Variants in CLDN7 observed in about 807,000 individuals in gnomAD.
CLDN7 encodes claudin 7, also known as claudin-7.
Under a neutral mutation model 20.3 loss-of-function variants are expected in CLDN7, and 15 were observed. That is an observed-to-expected ratio of 0.74 (90% CI 0.49 to 1.14). The LOEUF (loss-of-function observed/expected upper bound fraction) is 1.14, where lower values mean the gene tolerates loss of function less well. Ranked by LOEUF, CLDN7 falls within the 50% of genes most tolerant of loss-of-function variation. The probability of loss-of-function intolerance (pLI) is 0.00; values close to 1 mark genes in which losing one functional copy is unlikely to be tolerated. For synonymous variants in CLDN7, 117 were observed against 106.1 expected (o/e 1.10, Z -0.63); for missense variants, 261 against 274.2 (o/e 0.95, Z 0.34).
Position 7,262,457 on chromosome 17 carries a change from A to C in CLDN7, c.-414T>G, listed in dbSNP as rs1359104349. 3 of 1,003,926 alleles carry C rather than the reference A, an allele frequency of 3.0e-6. No individual in the cohort carries two copies. Among genetic ancestry groups the C allele is most frequent in the Admixed American group, 1.0e-4 (2 of 19,112 alleles). 62.2% of individuals were successfully genotyped at this position (1,003,926 alleles called of 1,614,324 possible). On this transcript the variant is annotated 5_prime_UTR_variant, in exon 1 of 4. Coordinates refer to ENST00000360325, the MANE Select transcript of CLDN7 (RefSeq NM_001307.6). This position sits in a 1 kb window ranked among gnomAD's most constrained non-coding sequence, Gnocchi z 6.6. ...GCGGTGCGCAGCAGAGGTGGCTCGG[A>C]GGTGAGCCAGCAGGTGCGGGCGGAC... is the stretch of plus-strand genomic sequence containing the variant.
rs763776370 is a variant in CLDN7 at position 7,260,707 on chromosome 17, A to T, written c.408T>A (p.Ala136=). The T allele has an allele frequency of 1.2e-6, 2 of 1,614,204 alleles. No individual in the cohort carries two copies. Among genetic ancestry groups the T allele is most frequent in the Admixed American group, 1.7e-5 (1 of 60,028 alleles). ...CAATCTGATGGCCATACCAGGAGCA[A>T]GCTACCAAGGCGGCAAGACCTGGAG... The part of the protein sequence containing the change: ...FIVAGLAALV[A]CSWYGHQIVT... The change falls in exon 3 of 4, where the codon GCT becomes GCA. Residue 136 remains alanine (A), a synonymous_variant. Transcript: ENST00000360325.
Position 7,261,861 on chromosome 17 carries a change from C to G in CLDN7, c.183G>C (p.Met61Ile), listed in dbSNP as rs1186828683. 5 of 1,614,020 alleles carry G rather than the reference C, an allele frequency of 3.1e-6. No homozygotes were observed. In the East Asian group the frequency reaches 8.9e-5, roughly 29 times the overall value. Residue 61 changes from methionine to isoleucine, a missense_variant, in exon 1 of 4, where the codon ATG becomes ATC. By Grantham distance (10) the Met-to-Ile change is conservative. This residue lies in a region of CLDN7 where 215 missense variants were observed against 199.6 expected (regional missense o/e 1.08). Coordinates refer to ENST00000360325, the MANE Select transcript of CLDN7 (RefSeq NM_001307.6). ...CCGAGTCGTACATTTTGCAGCTCAT[C>G]ATCCCCGTGCTCTGCGTGACGCAGT... is the stretch of plus-strand genomic sequence containing the variant. ...WMDCVTQSTG[M>I]MSCKMYDSVL...
rs746299150 is a variant in CLDN7, at chr17:7,260,780, C to T, written c.388+41G>A. 12 of 1,614,212 alleles carry T rather than the reference C, an allele frequency of 7.4e-6. No individual in the cohort carries two copies. In the South Asian group the frequency reaches 1.3e-4, roughly 18 times the overall value. On this transcript the variant is annotated intron_variant, in intron 2 of 3. Transcript: ENST00000360325. ...GTGAGGCCCCAAATGGGCGCCTTGC[C>T]CAGCCTTGCTCCTCCCAGATGGGAG...
Position 7,260,407 on chromosome 17 carries a change from G to C in CLDN7, c.603C>G (p.Tyr201Ter), listed in dbSNP as rs761984728. 30 of 1,612,780 alleles carry C rather than the reference G, an allele frequency of 1.9e-5. No individual in the cohort carries two copies. Among genetic ancestry groups the C allele is most frequent in the Non-Finnish European group, 2.5e-5 (30 of 1,179,394 alleles). ...ACTCCTTGGAAGAGTTGGACTTAGG[G>C]TAAGAGCGGGGTACACGGTACCCAG... ...SKAGYRVPRS[Y>*]PKSNSSKEYV The change falls in exon 4 of 4, where the codon TAC becomes TAG. Residue 201 changes from tyrosine (Y) to a stop codon, truncating the protein, a stop_gained. Transcript: ENST00000360325. LOFTEE classifies it high-confidence loss of function.
chr17:7,262,509 G>A, upstream of CLDN7: 2 of 655,660 alleles, frequency 3.1e-6, no homozygotes, highest in Non-Finnish European at 3.8e-6. This position sits in a 1 kb window ranked among gnomAD's most constrained non-coding sequence, Gnocchi z 6.6. Context: ...AGTATATGTA[G>A]GGCGTCGGGG....
rs2072234818 is a variant in CLDN7, at chr17:7,262,025, G to T, written c.19C>A (p.Gln7Lys). 1 of 1,613,354 alleles carries T rather than the reference G, an allele frequency of 6.2e-7. No individual in the cohort carries two copies. The highest frequency in any genetic ancestry group is 8.5e-7 in the Non-Finnish European group (1 of 1,179,804). Reference sequence around the variant, plus strand: ...AGGGCCATGGAGAAGCCCAGCAACTGCAGGCCCGAATTGGCCATTTCCGCC... The same window carrying T: ...AGGGCCATGGAGAAGCCCAGCAACTTCAGGCCCGAATTGGCCATTTCCGCC... MANSGLQLLGFSMALLG... is the reference protein window; with the variant it reads MANSGLKLLGFSMALLG... The change falls in exon 1 of 4, where the codon CAG (glutamine) becomes AAG (lysine). Residue 7 changes from glutamine to lysine, a missense_variant. Coordinates refer to ENST00000360325, the MANE Select transcript of CLDN7 (RefSeq NM_001307.6). This position sits in a 1 kb window ranked among gnomAD's most constrained non-coding sequence, Gnocchi z 6.6.
In CLDN7 at chr17:7,260,334, A is replaced by G; in HGVS notation, c.*40T>C. 6.4e-7 allele frequency: 1 copy of G among 1,558,284 alleles called. No homozygotes were observed. The highest frequency in any genetic ancestry group is 8.7e-7 in the Non-Finnish European group (1 of 1,151,756). ...CCCAGGCCCTTTCAGGCATCTAGACACTCCCATAGCCTGTCAGGCTGGGGC... is the reference window on the plus strand; with the variant it reads ...CCCAGGCCCTTTCAGGCATCTAGACGCTCCCATAGCCTGTCAGGCTGGGGC... On this transcript the variant is annotated 3_prime_UTR_variant, in exon 4 of 4. Transcript: ENST00000360325.
In CLDN7 at chr17:7,261,027, A is replaced by G. The variant is rs765416503; in HGVS notation, c.224-42T>C. On this transcript the variant is annotated intron_variant, in intron 1 of 3. Transcript: ENST00000360325. ...AGGGCGCCGTCATTGCTGGAAATGC[A>G]GGCGGCTCCAGCCTTCGTGCCGCCG... The G allele has an allele frequency of 4.5e-6, 7 of 1,569,854 alleles. No homozygotes were observed. The South Asian group carries it at 8.0e-5, about 18-fold the overall frequency.
rs769041772 is a variant in CLDN7 at position 7,260,967 on chromosome 17, C to T, written c.242G>A (p.Arg81Gln). ...CACCAGGGAGACCACCATTAGGGCT[C>T]GAGTGGCCTGCAAGGCCGCTGCGGG... ...LALSAALQAT[R>Q]ALMVVSLVLG... Residue 81 changes from arginine (R) to glutamine (Q), a missense_variant, in exon 2 of 4, where the codon CGA (arginine) becomes CAA (glutamine). Arg to Gln is a conservative substitution (Grantham distance 43). Transcript: ENST00000360325. 3 of 1,612,530 alleles carry T rather than the reference C, an allele frequency of 1.9e-6. No homozygotes were observed. Among genetic ancestry groups the T allele is most frequent in the Non-Finnish European group, 2.5e-6 (3 of 1,179,914 alleles).
chr17:7,262,318 G>A lies in CLDN7; in HGVS notation c.-275C>T, dbSNP rs1333633689. ...ATTGGTGGTCCCCGAAGGCCAGGCG[G>A]TTCCCTCCGGGCGCTCTCGGCGACC... On this transcript the variant is annotated 5_prime_UTR_variant, in exon 1 of 4. Coordinates refer to ENST00000360325, the MANE Select transcript of CLDN7 (RefSeq NM_001307.6). This position sits in a 1 kb window ranked among gnomAD's most constrained non-coding sequence, Gnocchi z 6.6. The A allele has an allele frequency of 6.0e-6, 8 of 1,337,820 alleles. No homozygotes were observed. Among genetic ancestry groups the A allele is most frequent in the South Asian group, 1.6e-5 (1 of 62,386 alleles). 82.9% of individuals were successfully genotyped at this position (1,337,820 alleles called of 1,614,324 possible).
At position 7,262,301 on chromosome 17, in the gene CLDN7, T is replaced by A. The variant is rs1232050496; in HGVS notation, c.-258A>T. 2.2e-6 allele frequency: 3 copies of A among 1,363,654 alleles called. No homozygotes were observed. The highest frequency in any genetic ancestry group is 1.9e-6 in the Non-Finnish European group (2 of 1,055,582). The allele number at this position is 1,363,654 out of a possible 1,614,324, so 84.5% of individuals were successfully genotyped here. A position where few individuals can be genotyped will look rare whatever the true frequency, so the allele number is the denominator to read the frequency against. ...GGGTGGTTCCAGACAAAATTGGTGG[T>A]CCCCGAAGGCCAGGCGGTTCCCTCC... On this transcript the variant is annotated 5_prime_UTR_variant, in exon 1 of 4. Transcript: ENST00000360325. The surrounding 1 kb of genome is among the most constrained non-coding windows in gnomAD (Gnocchi z 6.6).
intron 1 of CLDN7, 149 bp from the exon 2 acceptor site, chr17:7,261,134 T>A: frequency 9.1e-7 from 1 of 1,101,628 alleles, no homozygotes; most frequent in Non-Finnish European, 1.3e-6. Context: ...GTCCAAGACC[T>A]GGGCCAAGCG....
At chr17:7,262,512 C>A (rs556724330), upstream of CLDN7, 63 of 651,850 alleles carry the variant, frequency 9.7e-5, no homozygotes, top group South Asian at 3.7e-3. The surrounding 1 kb of genome is among the most constrained non-coding windows in gnomAD (Gnocchi z 6.6). Context: ...ATATGTAGGG[C>A]GTCGGGGGCG....
At position 7,262,389 on chromosome 17, in the gene CLDN7, C is replaced by T. The variant is rs376553754; in HGVS notation, c.-346G>A. On this transcript the variant is annotated 5_prime_UTR_variant, in exon 1 of 4. Coordinates refer to ENST00000360325, the MANE Select transcript of CLDN7 (RefSeq NM_001307.6). This position sits in a 1 kb window ranked among gnomAD's most constrained non-coding sequence, Gnocchi z 6.6. ...GGGGCCGTCTGGGCGCGTTTCTGAG[C>T]GCCGGCAAGTCCCAAAGTATCCTGG... The T allele has an allele frequency of 1.3e-5, 15 of 1,187,546 alleles. No individual in the cohort carries two copies. The South Asian group carries it at 1.6e-4, about 13-fold the overall frequency. The allele number at this position is 1,187,546 out of a possible 1,614,324, so 73.6% of individuals were successfully genotyped here.
In CLDN7 at chr17:7,260,295, A is replaced by T. The variant is rs935031475; in HGVS notation, c.*79T>A. On this transcript the variant is annotated 3_prime_UTR_variant, in exon 4 of 4. Transcript: ENST00000360325. ...GGCCTTTGTCCGGCACCCTGCCCAC[A>T]GGCTGAGCTCAGCCCCAGGCCCTTT... 3.5e-6 allele frequency: 5 copies of T among 1,421,110 alleles called. No individual in the cohort carries two copies. The highest frequency in any genetic ancestry group is 4.7e-6 in the Non-Finnish European group (5 of 1,061,764). 88.0% of individuals were successfully genotyped at this position (1,421,110 alleles called of 1,614,324 possible). A position where few individuals can be genotyped will look rare whatever the true frequency, so the allele number is the denominator to read the frequency against.
At chr17:7,263,032 G>T, upstream of CLDN7, 1 of 168,384 alleles carries the variant, frequency 5.9e-6, no homozygotes. Context: ...TCAGTGTCCC[G>T]GTTCTCTGGC....
chr17:7,263,166 C>T (rs2072249615), upstream of CLDN7: 1 of 169,844 alleles, frequency 5.9e-6, no homozygotes, highest in Admixed American at 6.5e-5. Flanking sequence ...TACCACTGTC[C>T]CCTCCGGCAT....
chr17:7,260,937 C>A lies in CLDN7; in HGVS notation c.272G>T (p.Gly91Val), dbSNP rs1184458638. The A allele has an allele frequency of 3.1e-6, 5 of 1,613,940 alleles. No individual in the cohort carries two copies. The highest frequency in any genetic ancestry group is 1.7e-5 in the Admixed American group (1 of 60,030). The change falls in exon 2 of 4, where the codon GGC (glycine) becomes GTC (valine). Residue 91 changes from glycine (G) to valine (V), a missense_variant. Transcript: ENST00000360325. ...RALMVVSLVL[G>V]FLAMFVATMG... The stretch of plus-strand genomic sequence containing the variant: ...CGTGGCCACAAACATGGCCAGGAAG[C>A]CCAGCACCAGGGAGACCACCATTAG...
Position 7,260,434 on chromosome 17 carries a change from C to G in CLDN7, c.576G>C (p.Lys192Asn), listed in dbSNP as rs1220368001. Reference sequence around the variant, plus strand: ...AAGAGCGGGGTACACGGTACCCAGCCTTGCTCTCATTCCCAGGACAGGAAC... The same window carrying G: ...AAGAGCGGGGTACACGGTACCCAGCGTTGCTCTCATTCCCAGGACAGGAAC... ...LSCSCPGNES[K>N]AGYRVPRSYP... The change falls in exon 4 of 4, where the codon AAG becomes AAC. Residue 192 changes from lysine to asparagine, a missense_variant. By Grantham distance (94) the Lys-to-Asn change is moderately conservative. Around this residue, in one of 2 missense-constraint regions of CLDN7, gnomAD observed 215 missense variants for 199.6 expected, o/e 1.08. Transcript: ENST00000360325. 1 of 1,614,018 alleles carries G rather than the reference C, an allele frequency of 6.2e-7. No individual in the cohort carries two copies. The highest frequency in any genetic ancestry group is 8.5e-7 in the Non-Finnish European group (1 of 1,179,964).
Sources: allele counts gnomAD v4.1 joint callset, GRCh38; gene constraint gnomAD v4.1.1; regional missense constraint gnomAD v4.1.1; non-coding constraint Gnocchi (gnomAD v3.1); transcripts MANE v1.5; gene names NCBI Gene and HGNC (gene_info 2026-07-23, HGNC 2026-07-21).